Variants in GALNT13 observed in about 807,000 individuals in gnomAD.
GALNT13 encodes the protein UDP-GalNAc:polypeptide N-acetylgalactosaminyltransferase 13.
In GALNT13, 28 loss-of-function variants were observed where a neutral mutation model predicts 64.2. The observed-to-expected ratio is 0.44, with a 90% confidence interval of 0.32 to 0.60. GALNT13 has a LOEUF of 0.60. Ranked by LOEUF, GALNT13 falls within the 20% of genes least tolerant of loss-of-function variation. GALNT13 has a pLI of 0.05. For synonymous variants in GALNT13, 214 were observed against 224.6 expected (o/e 0.95, Z 0.42); for missense variants, 577 against 669.8 (o/e 0.86, Z 1.53).
chr2:153,963,500 C>T (rs1015798550), intron 3 of GALNT13, among the ~76,000 whole-genome samples: 22 of 152,178 alleles, frequency 1.4e-4, no homozygotes, highest in Non-Finnish European at 2.9e-4. Flanking sequence ...TACTGCCAGT[C>T]TGTTTTCCCA....
rs1459626848 is a variant in GALNT13 at position 154,166,152 on chromosome 2, C to G, written c.311+25647C>G. 2.6e-5 allele frequency among the ~76,000 whole-genome samples: 4 copies of G among 152,208 alleles called. No individual in the cohort carries two copies. In the East Asian group the frequency reaches 7.7e-4, roughly 29 times the overall value. ...GGGCACTGTGGTTCATGCCTGTAAT[C>G]TTAGCACTTTGGGAGGCTGAGGCGG... On this transcript the variant is annotated intron_variant, in intron 4 of 12. Transcript: ENST00000392825.
the GALNT13 span, among the ~76,000 whole-genome samples, chr2:153,831,940 G>A: frequency 6.6e-6 from 1 of 152,112 alleles, no homozygotes; most frequent in African/African-American, 2.4e-5. Flanking sequence ...TGTTGTTTGT[G>A]TGTGTGGGCT....
the GALNT13 span, among the ~76,000 whole-genome samples, chr2:153,383,200 G>A: frequency 4.6e-5 from 7 of 151,926 alleles, no homozygotes; most frequent in Non-Finnish European, 7.4e-5. Flanking sequence ...GTTTCTGGGG[G>A]AAAAATACAG....
the GALNT13 span, among the ~76,000 whole-genome samples, chr2:153,081,236 T>G: frequency 6.6e-6 from 1 of 152,006 alleles, no homozygotes; most frequent in Admixed American, 6.5e-5. Flanking sequence ...TAATTTTTTT[T>G]GGTACATAGT....
chr2:153,521,701 C>G, the GALNT13 span, among the ~76,000 whole-genome samples: 1 of 152,124 alleles, frequency 6.6e-6, no homozygotes. Context: ...CTATTTGTTC[C>G]TCTCTCCCTC....
intron 8 of GALNT13, among the ~76,000 whole-genome samples, chr2:154,274,625 C>T (rs1194252325): frequency 5.3e-5 from 8 of 152,194 alleles, no homozygotes; most frequent in Middle Eastern, 6.8e-3. Flanking sequence ...CCCCTTCCAC[C>T]GTGATTATAA....
intron 4 of GALNT13, chr2:154,235,937 T>C (rs565903197): frequency 2.2e-5 from 8 of 368,812 alleles, no homozygotes; most frequent in African/African-American, 1.7e-4. Context: ...ATAGGAATAC[T>C]ATTTCACTGT....
chr2:153,481,876 A>G, the GALNT13 span, among the ~76,000 whole-genome samples: 1 of 152,252 alleles, frequency 6.6e-6, no homozygotes, highest in Non-Finnish European at 1.5e-5. Flanking sequence ...ATTTTAAAAA[A>G]GGAAATATCA....
the GALNT13 span, among the ~76,000 whole-genome samples, chr2:153,256,587 A>T: frequency 9.2e-5 from 14 of 151,814 alleles, no homozygotes; most frequent in Non-Finnish European, 1.6e-4. Flanking sequence ...TTTTTCCCCA[A>T]CTTTGTGGTT....
At chr2:153,302,986 C>T in the GALNT13 span, among the ~76,000 whole-genome samples, 3 of 152,064 alleles carry the variant, frequency 2.0e-5, no homozygotes, top group Non-Finnish European at 4.4e-5. Context: ...TGTGATGCCT[C>T]CAGCTTTGTT....
At chr2:153,626,528 C>T in the GALNT13 span, among the ~76,000 whole-genome samples, 1 of 152,112 alleles carries the variant, frequency 6.6e-6, no homozygotes, top group African/African-American at 2.4e-5. Context: ...TGAATAGGAA[C>T]ATGCACTACT....
chr2:153,638,288 C>T, the GALNT13 span, among the ~76,000 whole-genome samples: 1 of 152,104 alleles, frequency 6.6e-6, no homozygotes, highest in Non-Finnish European at 1.5e-5. Context: ...AGAAAATTAA[C>T]ATAATCTGAC....
intron 3 of GALNT13, among the ~76,000 whole-genome samples, chr2:154,051,677 T>C (rs766069975): frequency 1.3e-5 from 2 of 152,224 alleles, no homozygotes; most frequent in Non-Finnish European, 2.9e-5. Context: ...TTCATTTAGA[T>C]TTTTCCTTCT....
chr2:153,261,616 T>C, the GALNT13 span, among the ~76,000 whole-genome samples: 1 of 152,118 alleles, frequency 6.6e-6, no homozygotes, highest in African/African-American at 2.4e-5. Flanking sequence ...ACTTGGACTA[T>C]GCTGGGTCAA....
intron 4 of GALNT13, among the ~76,000 whole-genome samples, chr2:154,214,578 C>A (rs1313581804): frequency 6.6e-6 from 1 of 151,982 alleles, no homozygotes; most frequent in African/African-American, 2.4e-5. Flanking sequence ...GGTGGTTTTT[C>A]CCCTGATGTT....
At chr2:154,372,825 A>G (rs2105314489) in intron 9 of GALNT13, among the ~76,000 whole-genome samples, 1 of 151,920 alleles carries the variant, frequency 6.6e-6, no homozygotes, top group East Asian at 1.9e-4. Flanking sequence ...TCTATATTTG[A>G]AAAAAAATCA....
Position 154,040,123 on chromosome 2 carries a change from C to T in GALNT13, c.142+95484C>T, listed in dbSNP as rs1011763429. On this transcript the variant is annotated intron_variant, in intron 3 of 12. Coordinates refer to ENST00000392825, the MANE Select transcript of GALNT13 (RefSeq NM_052917.4). ...AGACACTTGATAAGTGTTGAATGCA[C>T]AGTGTCACGTGAGACATGGTTCCTG... Among the ~76,000 whole-genome samples the T allele has an allele frequency of 2.8e-5, 4 of 140,832 alleles. 1 individual carries two copies. The Admixed American group carries it at 2.9e-4, about 10-fold the overall frequency. The allele number at this position is 140,832 out of a possible 152,430, so 92.4% of individuals were successfully genotyped here. A position where few individuals can be genotyped will look rare whatever the true frequency, so the allele number is the denominator to read the frequency against.
At chr2:154,260,057 T>C (rs1690609390) in intron 8 of GALNT13, among the ~76,000 whole-genome samples, 3 of 152,056 alleles carry the variant, frequency 2.0e-5, no homozygotes, top group African/African-American at 4.8e-5. Context: ...TATTTGTTTT[T>C]CTATTTTTTG....
chr2:154,274,151 C>T (rs1182272989), intron 8 of GALNT13, among the ~76,000 whole-genome samples: 1 of 152,034 alleles, frequency 6.6e-6, no homozygotes, highest in Admixed American at 6.6e-5. Context: ...GGCATATACG[C>T]AAGGTGTGGT....
Sources: gnomAD v4.1 joint callset for allele counts (sites outside exome capture counted in the v4.1 genomes callset) on GRCh38, gnomAD v4.1.1 for gene constraint, MANE v1.5 for transcripts, NCBI Gene and HGNC (gene_info 2026-07-23, HGNC 2026-07-21) for gene names.